The following PTPRK variants were observed in gnomAD, a reference collection of about 807,000 sequenced individuals.
PTPRK encodes the protein receptor-type tyrosine-protein phosphatase kappa.
In PTPRK, 75 loss-of-function variants were observed where a neutral mutation model predicts 178.0. The observed-to-expected ratio is 0.42, with a 90% confidence interval of 0.35 to 0.51. PTPRK has a LOEUF of 0.51. Among genes scored for constraint, PTPRK ranks in the 20% least tolerant of loss-of-function variants. PTPRK has a pLI of 0.02. For missense variants in PTPRK, 1,441 were observed against 1,797.8 expected, an observed-to-expected ratio of 0.80 and a Z score of 3.59; for synonymous variants, 637 against 620.6, an observed-to-expected ratio of 1.03 and a Z score of -0.39.
chr6:128,173,822 A>C (rs2114656614), intron 7 of PTPRK, among the ~76,000 whole-genome samples: 1 of 152,110 alleles, frequency 6.6e-6, no homozygotes, highest in Non-Finnish European at 1.5e-5. Flanking sequence ...GCAGCCTTCT[A>C]ATCTTTCTGA....
chr6:128,169,819 G>A (rs924303489), intron 7 of PTPRK, among the ~76,000 whole-genome samples: 9 of 128,144 alleles, frequency 7.0e-5, no homozygotes, highest in African/African-American at 2.6e-4. Flanking sequence ...GTGTGTGTGT[G>A]TATTATTTTA....
At chr6:128,424,222 G>GA (rs1422435278) in intron 1 of PTPRK, among the ~76,000 whole-genome samples, 2 of 152,226 alleles carry the variant, frequency 1.3e-5, no homozygotes, top group Non-Finnish European at 2.9e-5. Context: ...GATAGAGTGA[G>GA]ACCCTGTCTC....
At chr6:128,239,734 C>A (rs1042777427) in intron 5 of PTPRK, among the ~76,000 whole-genome samples, 2 of 151,718 alleles carry the variant, frequency 1.3e-5, no homozygotes, top group African/African-American at 4.8e-5. Context: ...AAATATCATT[C>A]TTATTCATAT....
chr6:128,445,595 T>C (rs1216052596), intron 1 of PTPRK, among the ~76,000 whole-genome samples: 2 of 151,860 alleles, frequency 1.3e-5, no homozygotes, highest in African/African-American at 4.8e-5. Context: ...CATGTAGTTC[T>C]AATTACAGTA....
intron 2 of PTPRK, among the ~76,000 whole-genome samples, chr6:128,386,571 T>G (rs1185391399): frequency 1.3e-5 from 2 of 152,204 alleles, no homozygotes; most frequent in Admixed American, 6.5e-5. Context: ...CCTAAGCTTC[T>G]GAAAAGAAGA....
chr6:128,352,253 CAAAA>C (rs10665459), intron 2 of PTPRK, among the ~76,000 whole-genome samples: 3 of 94,986 alleles, frequency 3.2e-5, no homozygotes, highest in Non-Finnish European at 3.9e-5. Flanking sequence ...GACTTCATCT[CAAAA>C]AAAAAAAAAA....
At chr6:128,387,547 G>C (rs1838920008) in intron 2 of PTPRK, among the ~76,000 whole-genome samples, 1 of 151,904 alleles carries the variant, frequency 6.6e-6, no homozygotes, top group Non-Finnish European at 1.5e-5. Flanking sequence ...ATAATCTTTT[G>C]AACCAGTCTT....
In PTPRK at chr6:128,331,880, G is replaced by A. The variant is rs182869121; in HGVS notation, c.224-9570C>T. Among the ~76,000 whole-genome samples the A allele has an allele frequency of 5.3e-5, 8 of 152,134 alleles. No homozygotes were observed. The East Asian group carries it at 5.8e-4, about 11-fold the overall frequency. Reference sequence around the variant, plus strand: ...TATAAACCTGTTTCCTTCACAGTCCGAATGACAAAATTTCTCTTGATCTCT... The same window carrying A: ...TATAAACCTGTTTCCTTCACAGTCCAAATGACAAAATTTCTCTTGATCTCT... On this transcript the variant is annotated intron_variant, in intron 2 of 29. Transcript: ENST00000368226.
intron 5 of PTPRK, among the ~76,000 whole-genome samples, chr6:128,230,474 C>T (rs12055654): frequency 1.3e-5 from 2 of 152,008 alleles, no homozygotes; most frequent in African/African-American, 2.4e-5. Flanking sequence ...AGCACATGGA[C>T]GGCACCTCTG....
At chr6:128,492,059 T>TAAAGTCATCATTCCCTTGC (rs1411191131) in intron 1 of PTPRK, among the ~76,000 whole-genome samples, 6 of 152,164 alleles carry the variant, frequency 3.9e-5, no homozygotes, top group Non-Finnish European at 8.8e-5. Context: ...GCCTCCAAGA[T>TAAAGTCATCATTCCCTTGC]AAAGTCATCA....
At chr6:128,276,100 C>T (rs920423476) in intron 3 of PTPRK, among the ~76,000 whole-genome samples, 2 of 151,912 alleles carry the variant, frequency 1.3e-5, no homozygotes, top group African/African-American at 4.8e-5. Flanking sequence ...CTATTAAAAT[C>T]ATGTTAAAAT....
chr6:128,039,799 C>T (rs1367129444), intron 13 of PTPRK, among the ~76,000 whole-genome samples: 1 of 152,132 alleles, frequency 6.6e-6, no homozygotes, highest in African/African-American at 2.4e-5. Context: ...TGCCTTCCCT[C>T]CTACAACCCT....
chr6:128,496,155 CA>C (rs11340268), intron 1 of PTPRK, among the ~76,000 whole-genome samples: 10,565 of 152,166 alleles, frequency 0.069, 737 homozygotes, highest in African/African-American at 0.18. Context: ...TAAAGCATGC[CA>C]CAGTGAAGGT....
At chr6:127,976,843 G>A in intron 26 of PTPRK, 61 bp from the exon 27 acceptor site, 1 of 1,609,780 alleles carries the variant, frequency 6.2e-7, no homozygotes, top group Non-Finnish European at 8.5e-7. Flanking sequence ...AGTTAGGAGA[G>A]TATAAAGCAG....
chr6:128,024,853 A>G (rs1270838372), intron 13 of PTPRK, among the ~76,000 whole-genome samples: 1 of 152,180 alleles, frequency 6.6e-6, no homozygotes, highest in Non-Finnish European at 1.5e-5. Flanking sequence ...CTATATTGTA[A>G]TCACTGATAA....
intron 1 of PTPRK, among the ~76,000 whole-genome samples, chr6:128,441,821 T>C (rs1846321892): frequency 6.6e-6 from 1 of 152,304 alleles, no homozygotes; most frequent in Middle Eastern, 3.4e-3. Context: ...TAACAAAAGA[T>C]TATGAAAGCA....
intron 1 of PTPRK, among the ~76,000 whole-genome samples, chr6:128,441,883 A>C (rs1288031578): frequency 6.6e-6 from 1 of 152,196 alleles, no homozygotes; most frequent in Non-Finnish European, 1.5e-5. Flanking sequence ...AAGAAAGCCT[A>C]GAAAAATGGT....
At chr6:128,176,247 G>T (rs1801058177) in intron 7 of PTPRK, among the ~76,000 whole-genome samples, 1 of 151,676 alleles carries the variant, frequency 6.6e-6, no homozygotes, top group African/African-American at 2.4e-5. Flanking sequence ...GTAAATTTTG[G>T]GTAGGTTGAA....
intron 1 of PTPRK, among the ~76,000 whole-genome samples, chr6:128,514,059 G>C (rs912843631): frequency 6.6e-6 from 1 of 152,168 alleles, no homozygotes; most frequent in Admixed American, 6.5e-5. Context: ...CTTGAACAGC[G>C]CTTGGAGAAT....
Sources: gnomAD v4.1 joint callset for allele counts (sites outside exome capture counted in the v4.1 genomes callset) on GRCh38, gnomAD v4.1.1 for gene constraint, MANE v1.5 for transcripts, NCBI Gene and HGNC (gene_info 2026-07-23, HGNC 2026-07-21) for gene names.